Variants in LRRC72 observed in about 807,000 individuals in gnomAD.
The protein encoded by LRRC72 is leucine-rich repeat-containing protein 72.
A neutral mutation model predicts 35.8 loss-of-function variants in LRRC72; 41 were observed. The observed-to-expected ratio is 1.15, with a 90% CI of 0.89 to 1.49. The LOEUF (loss-of-function observed/expected upper bound fraction) is 1.49. Among genes scored for constraint, LRRC72 ranks in the 40% most tolerant of loss-of-function variants. The probability of loss-of-function intolerance (pLI) is 0.00; values close to 1 mark genes in which losing one functional copy is unlikely to be tolerated. For synonymous variants in LRRC72, 118 were observed against 119.2 expected (o/e 0.99, Z 0.07); for missense variants, 389 against 330.7 (o/e 1.18, Z -1.37).
At chr7:16,547,571 C>T (rs948157031) in intron 3 of LRRC72, among the ~76,000 whole-genome samples, 12 of 152,344 alleles carry the variant, frequency 7.9e-5, no homozygotes, top group African/African-American at 2.6e-4. Context: ...TGCCTGCAGG[C>T]TCAGAAGTGC....
chr7:16,577,729 T>C (rs187796262), intron 7 of LRRC72, among the ~76,000 whole-genome samples: 1 of 152,204 alleles, frequency 6.6e-6, no homozygotes, highest in East Asian at 1.9e-4. Flanking sequence ...AAAATCCCAG[T>C]AGAAAACAAA....
rs371136941 is a variant in LRRC72, at chr7:16,530,809, T to A, written c.91-1686T>A. ...ACAGATGGCTGCCAAGTTTTAATTC[T>A]TCTTTGGCTGGGCTATAACCACCCC... On this transcript the variant is annotated intron_variant, in intron 1 of 8. Transcript: ENST00000401542. 3.9e-5 allele frequency among the ~76,000 whole-genome samples: 6 copies of A among 152,330 alleles called. No individual in the cohort carries two copies. The South Asian group carries it at 1.2e-3, about 32-fold the overall frequency.
Position 16,567,538 on chromosome 7 carries a change from CT to C in LRRC72, c.667del (p.Ser223GlnfsTer9). ...AAGCAAAAACCAGCCCAGAGAGTAC[CT>C]TCAGGTATTTCGTAAAAAAAAAAAA... The part of the protein sequence containing the change: ...PFKQKPAQRV[P>X]SDFAFANNVD... On this transcript the variant is annotated frameshift_variant, in exon 7 of 9. Coordinates refer to ENST00000401542, the MANE Select transcript of LRRC72 (RefSeq NM_001195280.2). LOFTEE classifies it high-confidence loss of function. The C allele has an allele frequency of 8.0e-7, 1 of 1,254,634 alleles. No individual in the cohort carries two copies. 77.7% of individuals were successfully genotyped at this position (1,254,634 alleles called of 1,614,324 possible). A position where few individuals can be genotyped will look rare whatever the true frequency, so the allele number is the denominator to read the frequency against.
At chr7:16,551,960 G>A (rs972212603) in intron 3 of LRRC72, among the ~76,000 whole-genome samples, 4 of 152,110 alleles carry the variant, frequency 2.6e-5, no homozygotes, top group African/African-American at 4.8e-5. Context: ...ACTGAGCCCC[G>A]AACCTGTGAG....
At chr7:16,536,340 C>A (rs1437113608) in intron 2 of LRRC72, among the ~76,000 whole-genome samples, 1 of 151,798 alleles carries the variant, frequency 6.6e-6, no homozygotes, top group Admixed American at 6.6e-5. Context: ...ACATGAATGG[C>A]ATATTAGATT....
chr7:16,544,239 G>T (rs1319835900), intron 3 of LRRC72, among the ~76,000 whole-genome samples: 3 of 152,164 alleles, frequency 2.0e-5, no homozygotes, highest in East Asian at 3.9e-4. Context: ...TTATCTAGTG[G>T]GTGATAAAAC....
chr7:16,562,077 A>G (rs956849490), intron 5 of LRRC72, among the ~76,000 whole-genome samples: 4 of 152,196 alleles, frequency 2.6e-5, no homozygotes, highest in African/African-American at 9.6e-5. Context: ...AGAATTGCCA[A>G]GGACTGCCTA....
At chr7:16,538,483 T>G (rs1467610683) in intron 3 of LRRC72, among the ~76,000 whole-genome samples, 1 of 152,204 alleles carries the variant, frequency 6.6e-6, no homozygotes, top group Non-Finnish European at 1.5e-5. Flanking sequence ...ACTGAGGGTC[T>G]TTTGGCCTTG....
chr7:16,550,054 A>G lies in LRRC72; in HGVS notation c.235-7306A>G, dbSNP rs75142074. 2.2e-3 allele frequency among the ~76,000 whole-genome samples: 332 copies of G among 152,146 alleles called. 2 individuals are homozygous for G. Among genetic ancestry groups the G allele is most frequent in the African/African-American group, 7.7e-3 (318 of 41,510 alleles). ...AGAAACATAGTCAGACCACATCTCT[A>G]TGAAAATTTTTTAAATTAGTCATGT... On this transcript the variant is annotated intron_variant, in intron 3 of 8. Coordinates refer to ENST00000401542, the MANE Select transcript of LRRC72 (RefSeq NM_001195280.2).
intron 6 of LRRC72, among the ~76,000 whole-genome samples, chr7:16,567,124 T>G (rs909110999): frequency 2.0e-5 from 3 of 152,154 alleles, no homozygotes; most frequent in Admixed American, 6.5e-5. Context: ...TGCTAAAATT[T>G]TAATCATCCT....
In LRRC72 at chr7:16,573,634, A is replaced by T. The variant is rs147210730; in HGVS notation, c.670+6091A>T. ...AACTGAAACTGGACCTCTTCCTTAC[A>T]CTTTATACAAAAATTAACTCAAGAT... On this transcript the variant is annotated intron_variant, in intron 7 of 8. Coordinates refer to ENST00000401542, the MANE Select transcript of LRRC72 (RefSeq NM_001195280.2). Among the ~76,000 whole-genome samples, 775 of 152,334 alleles carry T rather than the reference A, an allele frequency of 5.1e-3. 7 individuals carry two copies. The highest frequency in any genetic ancestry group is 0.018 in the African/African-American group (736 of 41,576).
chr7:16,564,866 T>A (rs1782801751), intron 5 of LRRC72, among the ~76,000 whole-genome samples: 1 of 152,136 alleles, frequency 6.6e-6, no homozygotes, highest in South Asian at 2.1e-4. Flanking sequence ...CCTACCCCAA[T>A]CTTCTTTATG....
At chr7:16,576,528 T>C (rs187757916) in intron 7 of LRRC72, among the ~76,000 whole-genome samples, 58 of 152,324 alleles carry the variant, frequency 3.8e-4, no homozygotes, top group Non-Finnish European at 6.8e-4. Flanking sequence ...CATCTATCAG[T>C]CCTTATCAAA....
At chr7:16,554,683 C>T (rs1194097702) in intron 3 of LRRC72, among the ~76,000 whole-genome samples, 2 of 152,174 alleles carry the variant, frequency 1.3e-5, no homozygotes, top group Non-Finnish European at 2.9e-5. Context: ...CATGATTTGG[C>T]TTTGACTCCA....
At chr7:16,568,125 G>T (rs547982030) in intron 7 of LRRC72, among the ~76,000 whole-genome samples, 2 of 152,226 alleles carry the variant, frequency 1.3e-5, no homozygotes, top group African/African-American at 4.8e-5. Flanking sequence ...AGACAGCAAA[G>T]AATAGAAAGA....
chr7:16,551,670 G>A (rs1042543549), intron 3 of LRRC72, among the ~76,000 whole-genome samples: 2 of 152,146 alleles, frequency 1.3e-5, no homozygotes, highest in African/African-American at 4.8e-5. Context: ...GTTCCTGGAG[G>A]GTGGTACCCG....
chr7:16,529,383 A>T (rs1364879130), intron 1 of LRRC72, among the ~76,000 whole-genome samples: 1 of 152,152 alleles, frequency 6.6e-6, no homozygotes, highest in Non-Finnish European at 1.5e-5. Flanking sequence ...CCAGGCTAAC[A>T]GTACAGGTGT....
chr7:16,577,721 A>G (rs1054525508), intron 7 of LRRC72, among the ~76,000 whole-genome samples: 3 of 152,254 alleles, frequency 2.0e-5, no homozygotes, highest in Admixed American at 6.5e-5. Context: ...TCAATTTAAA[A>G]ATCCCAGTAG....
intron 1 of LRRC72, among the ~76,000 whole-genome samples, chr7:16,528,865 A>C (rs1203669714): frequency 1.3e-5 from 2 of 152,146 alleles, no homozygotes; most frequent in Non-Finnish European, 1.5e-5. Context: ...AAGAGCACTA[A>C]CAGAGAAGGA....
Sources: allele counts gnomAD v4.1 joint callset (sites outside exome capture counted in the v4.1 genomes callset), GRCh38; gene constraint gnomAD v4.1.1; transcripts MANE v1.5; gene names NCBI Gene and HGNC (gene_info 2026-07-23, HGNC 2026-07-21).